SSB: variants seen among roughly 807,000 people sequenced by gnomAD.
SSB encodes the protein small RNA binding exonuclease protection factor La.
A neutral mutation model predicts 52.9 loss-of-function variants in SSB; 17 were observed. The ratio of observed to expected loss-of-function variants is 0.32; its 90% CI spans 0.22 to 0.48. The LOEUF is 0.48. Among genes scored for constraint, SSB ranks in the 20% least tolerant of loss-of-function variants. The pLI, the probability that SSB is intolerant of heterozygous loss-of-function variation, is 0.99. For missense variants in SSB, 314 were observed against 463.6 expected (o/e 0.68, Z 2.96); for synonymous variants, 111 against 152.1 (o/e 0.73, Z 1.99).
chr2:169,808,067 A>G (rs946397378), intron 6 of SSB, among the ~76,000 whole-genome samples: 2 of 152,200 alleles, frequency 1.3e-5, no homozygotes, highest in African/African-American at 4.8e-5. Context: ...AATTAACACT[A>G]TAGAAAACTG....
intron 7 of SSB, 86 bp from the exon 8 acceptor site, chr2:169,808,774 A>T: frequency 8.4e-7 from 1 of 1,184,394 alleles, no homozygotes; most frequent in Non-Finnish European, 1.2e-6. Context: ...AAGTAAGTTT[A>T]GTGATCATGA....
Position 169,800,967 on chromosome 2 carries a change from GA to G in SSB, c.11del (p.Asn4MetfsTer33). The G allele has an allele frequency of 1.9e-6, 3 of 1,594,438 alleles. No individual in the cohort carries two copies. Among genetic ancestry groups the G allele is most frequent in the Admixed American group, 1.8e-5 (1 of 55,868 alleles). On this transcript the variant is annotated frameshift_variant, in exon 2 of 12. Transcript: ENST00000260956. LOFTEE classifies it high-confidence loss of function. MA[E>X]NGDNEKMAAL... ...AATTTTACAGATAGCCGCAATGGCT[GA>G]AAATGGTGATAATGAAAAGATGGCT...
chr2:169,807,101 C>A, intron 6 of SSB, 30 bp downstream of exon 6: 1 of 1,585,576 alleles, frequency 6.3e-7, no homozygotes, highest in South Asian at 1.1e-5. Context: ...TTTCTCCTGG[C>A]CTTTTACTTA....
intron 11 of SSB, 121 bp downstream of exon 11, chr2:169,811,444 ATTAT>A: frequency 2.7e-5 from 36 of 1,319,742 alleles, no homozygotes; most frequent in Non-Finnish European, 3.7e-5. Flanking sequence ...CCATTCTTGG[ATTAT>A]TAACGATTTA....
At chr2:169,805,640 TTA>T in intron 3 of SSB, 23 bp from the exon 4 acceptor site, 1 of 1,612,846 alleles carries the variant, frequency 6.2e-7, no homozygotes, top group South Asian at 1.1e-5. Flanking sequence ...CTGCTGAGTC[TTA>T]TGTTTTTATA....
intron 2 of SSB, among the ~76,000 whole-genome samples, chr2:169,804,453 G>A (rs917156426): frequency 6.6e-6 from 1 of 151,480 alleles, no homozygotes; most frequent in African/African-American, 2.4e-5. Flanking sequence ...GTCTTGCCAT[G>A]TTGCCCAGGC....
intron 11 of SSB, 140 bp from the exon 12 acceptor site, chr2:169,811,528 C>T: frequency 7.5e-7 from 1 of 1,326,928 alleles, no homozygotes; most frequent in South Asian, 1.6e-5. Context: ...CAGGTCTGTA[C>T]TAAGAGAAAA....
chr2:169,803,484 G>C (rs373059880), intron 2 of SSB, among the ~76,000 whole-genome samples: 1 of 152,004 alleles, frequency 6.6e-6, no homozygotes, highest in African/African-American at 2.4e-5. Flanking sequence ...TCCTGACCTC[G>C]GGTGATCCAC....
chr2:169,808,399 T>A, intron 6 of SSB, 83 bp from the exon 7 acceptor site: 1 of 1,066,956 alleles, frequency 9.4e-7, no homozygotes, highest in Non-Finnish European at 1.4e-6. Context: ...TTCATTGCTG[T>A]GCCATGTCTT....
chr2:169,800,079 C>T (rs1297726437), intron 1 of SSB, among the ~76,000 whole-genome samples: 1 of 152,134 alleles, frequency 6.6e-6, no homozygotes, highest in Non-Finnish European at 1.5e-5. Context: ...AGGCATACTC[C>T]CCAGTTTAAT....
chr2:169,807,670 T>A (rs1186434219), intron 6 of SSB, among the ~76,000 whole-genome samples: 1 of 151,976 alleles, frequency 6.6e-6, no homozygotes, highest in Admixed American at 6.6e-5. Flanking sequence ...GTATTAAAAT[T>A]TGGTCTTTTG....
chr2:169,807,999 A>G (rs1381081664), intron 6 of SSB, among the ~76,000 whole-genome samples: 1 of 152,148 alleles, frequency 6.6e-6, no homozygotes, highest in Non-Finnish European at 1.5e-5. Flanking sequence ...ATTATTTAAC[A>G]TGATTTTCAT....
rs770888121 is a variant in SSB at position 169,811,638 on chromosome 2, A to G, written c.1139-30A>G. On this transcript the variant is annotated intron_variant, in intron 11 of 11. Coordinates refer to ENST00000260956, the MANE Select transcript of SSB (RefSeq NM_003142.5). The stretch of plus-strand genomic sequence containing the variant: ...TAAACTAGAGCAGTACTTACGTTGA[A>G]TTTAACAAAAATTAATTGTTACGTT... 3 of 1,598,952 alleles carry G rather than the reference A, an allele frequency of 1.9e-6. No individual in the cohort carries two copies. In the South Asian group the frequency reaches 3.4e-5, roughly 18 times the overall value.
chr2:169,806,366 A>G (rs951716897), intron 4 of SSB, among the ~76,000 whole-genome samples: 11 of 152,236 alleles, frequency 7.2e-5, no homozygotes, highest in Non-Finnish European at 2.9e-5. Flanking sequence ...AATCTTTGAC[A>G]TATTCTAAGC....
chr2:169,805,827 ATC>A lies in SSB; in HGVS notation c.335_336del (p.Ser112CysfsTer4). Reference sequence around the variant, plus strand: ...AGTATAAAAATGATGTAAAAAACAGATCTGTTTATATTGTAAGTGGGCCTGTA... The same window carrying A: ...AGTATAAAAATGATGTAAAAAACAGATGTTTATATTGTAAGTGGGCCTGTA... ...DEYKNDVKNR[S>X]VYIKGFPTDA... On this transcript the variant is annotated frameshift_variant, in exon 4 of 12. Transcript: ENST00000260956. LOFTEE classifies it high-confidence loss of function. 1.2e-6 allele frequency: 2 copies of A among 1,613,168 alleles called. No homozygotes were observed. Among genetic ancestry groups the A allele is most frequent in the Non-Finnish European group, 1.7e-6 (2 of 1,179,718 alleles).
chr2:169,805,535 A>G lies in SSB; in HGVS notation c.128A>G (p.Asp43Gly). Residue 43 changes from aspartate to glycine, a missense_variant, in exon 3 of 12, where the codon GAT (aspartate) becomes GGT (glycine). Physicochemically the swap from Asp to Gly is moderately conservative, Grantham distance 94. Transcript: ENST00000260956. ...TTTCTAAAGGAACAGATAAAACTGG[A>G]TGAAGGCTGGGTACCTTTGGAGATA... ...DKFLKEQIKLDEGWVPLEIMI... is the reference protein window; with the variant it reads ...DKFLKEQIKLGEGWVPLEIMI... 1 of 1,614,052 alleles carries G rather than the reference A, an allele frequency of 6.2e-7. No individual in the cohort carries two copies. The highest frequency in any genetic ancestry group is 8.5e-7 in the Non-Finnish European group (1 of 1,179,996).
At position 169,811,180 on chromosome 2, in the gene SSB, C is replaced by T; in HGVS notation, c.998-3C>T. On this transcript the variant is annotated splice_polypyrimidine_tract_variant and splice_region_variant and intron_variant, in intron 10 of 11. Transcript: ENST00000260956. ...TACAGAGTGCTCAATTGTGTCTCTA[C>T]AGGTCGTAGATTTAAAGGAAAAGGA... 6.2e-7 allele frequency: 1 copy of T among 1,607,898 alleles called. No individual in the cohort carries two copies. The highest frequency in any genetic ancestry group is 8.5e-7 in the Non-Finnish European group (1 of 1,178,768).
chr2:169,804,060 T>A (rs1689769436), intron 2 of SSB, among the ~76,000 whole-genome samples: 1 of 151,988 alleles, frequency 6.6e-6, no homozygotes, highest in South Asian at 2.1e-4. Flanking sequence ...CTTTAACTGT[T>A]TTCTATTAGG....
intron 9 of SSB, 94 bp downstream of exon 9, chr2:169,810,517 T>G (rs1329648490): frequency 8.3e-7 from 1 of 1,200,702 alleles, no homozygotes. Flanking sequence ...AAATTGTGTT[T>G]ATTAAATTAG....
Sources: gnomAD v4.1 joint callset for allele counts (sites outside exome capture counted in the v4.1 genomes callset) on GRCh38, gnomAD v4.1.1 for gene constraint, MANE v1.5 for transcripts, NCBI Gene and HGNC (gene_info 2026-07-23, HGNC 2026-07-21) for gene names.